The following ERC2 variants were observed in gnomAD, a reference collection of about 807,000 sequenced individuals.
ERC2 encodes the protein ELKS/RAB6-interacting/CAST family member 2.
A neutral mutation model predicts 114.8 loss-of-function variants in ERC2; 42 were observed. The ratio of observed to expected loss-of-function variants is 0.37; its 90% CI spans 0.29 to 0.47. The LOEUF (loss-of-function observed/expected upper bound fraction) is 0.47, where lower values mean the gene tolerates loss of function less well. Ranked by LOEUF, ERC2 falls within the 20% of genes least tolerant of loss-of-function variation. The pLI is 0.99. For missense variants in ERC2, 939 were observed against 1,150.7 expected, an observed-to-expected ratio of 0.82 and a Z score of 2.66; for synonymous variants, 454 against 425.5, an observed-to-expected ratio of 1.07 and a Z score of -0.82.
chr3:55,768,815 T>A (rs1361051432), intron 14 of ERC2, among the ~76,000 whole-genome samples: 2 of 152,204 alleles, frequency 1.3e-5, no homozygotes, highest in African/African-American at 4.8e-5. Flanking sequence ...TTACACACCC[T>A]AGTTGGGGGT....
At chr3:56,138,352 G>A (rs1368342007) in intron 6 of ERC2, among the ~76,000 whole-genome samples, 5 of 152,218 alleles carry the variant, frequency 3.3e-5, no homozygotes, top group South Asian at 4.1e-4. Context: ...GAGCCACCGC[G>A]CCCAGCCTGA....
rs140091076 is a variant in ERC2, at chr3:55,988,457, G to A, written c.2256-2469C>T. 1.3e-3 allele frequency among the ~76,000 whole-genome samples: 196 copies of A among 152,286 alleles called. 2 individuals carry two copies. The highest frequency in any genetic ancestry group is 3.4e-3 in the Middle Eastern group (1 of 294). On this transcript the variant is annotated intron_variant, in intron 11 of 17. Transcript: ENST00000288221. ...TTTAATGGCTGATGAGAAACACCAC[G>A]CACATGGAATTTAAGAGGTAAATGC... is the stretch of plus-strand genomic sequence containing the variant.
chr3:56,372,350 A>C (rs1262162558), intron 2 of ERC2, among the ~76,000 whole-genome samples: 1 of 152,182 alleles, frequency 6.6e-6, no homozygotes, highest in Non-Finnish European at 1.5e-5. Flanking sequence ...CATTTTTTTA[A>C]TCACTTAATC....
At chr3:55,978,795 T>G (rs1308135856) in intron 12 of ERC2, among the ~76,000 whole-genome samples, 1 of 152,214 alleles carries the variant, frequency 6.6e-6, no homozygotes, top group African/African-American at 2.4e-5. Context: ...TTTTCTACAC[T>G]GAATGTTCTA....
At chr3:56,078,922 T>A (rs2077100158) in intron 7 of ERC2, among the ~76,000 whole-genome samples, 1 of 150,786 alleles carries the variant, frequency 6.6e-6, no homozygotes, top group Non-Finnish European at 1.5e-5. Context: ...TGGTTAAAAG[T>A]TCTAATTAAA....
chr3:55,857,381 C>T (rs954324206), intron 14 of ERC2, among the ~76,000 whole-genome samples: 1 of 151,984 alleles, frequency 6.6e-6, no homozygotes, highest in Non-Finnish European at 1.5e-5. Flanking sequence ...TCTCCCTCTC[C>T]CTCTCCCTGT....
intron 12 of ERC2, among the ~76,000 whole-genome samples, chr3:55,984,434 T>A (rs1341765210): frequency 6.6e-6 from 1 of 152,040 alleles, no homozygotes; most frequent in East Asian, 1.9e-4. Flanking sequence ...AGTGCTTCAA[T>A]ATTAAGAGGT....
At chr3:56,338,923 G>C (rs918545655) in intron 2 of ERC2, among the ~76,000 whole-genome samples, 3 of 152,208 alleles carry the variant, frequency 2.0e-5, no homozygotes, top group Non-Finnish European at 4.4e-5. Flanking sequence ...GAGGGCAAAA[G>C]GGCTGAGAGT....
At position 56,202,072 on chromosome 3, in the gene ERC2, G is replaced by C. The variant is rs868348309; in HGVS notation, c.1075-28552C>G. Among the ~76,000 whole-genome samples the C allele has an allele frequency of 1.7e-4, 26 of 152,296 alleles. No homozygotes were observed. In the Middle Eastern group the frequency reaches 0.014, roughly 80 times the overall value. Reference sequence around the variant, plus strand: ...CATCTTTGTATTCCACCATTAGGCAGAATACCGCAGGCCATCTGAGCACAG... The same window carrying C: ...CATCTTTGTATTCCACCATTAGGCACAATACCGCAGGCCATCTGAGCACAG... On this transcript the variant is annotated intron_variant, in intron 3 of 17. Transcript: ENST00000288221.
At chr3:56,133,202 C>A (rs1430079792) in intron 6 of ERC2, among the ~76,000 whole-genome samples, 1 of 152,176 alleles carries the variant, frequency 6.6e-6, no homozygotes, top group Non-Finnish European at 1.5e-5. Context: ...TTTTGGGAAG[C>A]TGAGGCGGGC....
chr3:55,521,095 G>A (rs924478204), intron 17 of ERC2, among the ~76,000 whole-genome samples: 1 of 152,214 alleles, frequency 6.6e-6, no homozygotes, highest in Non-Finnish European at 1.5e-5. Flanking sequence ...GGATTTGAAG[G>A]CGCCCTTCCC....
chr3:56,048,407 G>A (rs758565076), intron 7 of ERC2, among the ~76,000 whole-genome samples: 2 of 152,084 alleles, frequency 1.3e-5, no homozygotes, highest in Non-Finnish European at 2.9e-5. Flanking sequence ...TAAACACAGT[G>A]CTTGCTTTGT....
At chr3:56,311,251 CTCTCTATATATATATATATATATATATA>C (rs2056545105) in intron 2 of ERC2, among the ~76,000 whole-genome samples, 1 of 42,778 alleles carries the variant, frequency 2.3e-5, no homozygotes, top group African/African-American at 7.4e-5. Flanking sequence ...CTCTCTCTCT[CTCTCTATATATATATATATATATATATA>C]TATATATATA....
chr3:55,796,586 C>G (rs571303416), intron 14 of ERC2, among the ~76,000 whole-genome samples: 1 of 152,118 alleles, frequency 6.6e-6, no homozygotes, highest in Non-Finnish European at 1.5e-5. Context: ...TCACTACGCC[C>G]AGCTAACTTT....
In ERC2 at chr3:56,087,321, C is replaced by T. The variant is rs370275512; in HGVS notation, c.1474-6337G>A. Among the ~76,000 whole-genome samples the T allele has an allele frequency of 3.6e-3, 554 of 151,988 alleles. 2 individuals carry two copies. Among genetic ancestry groups the T allele is most frequent in the Non-Finnish European group, 5.1e-3 (346 of 67,970 alleles). ...CAGGTAATAACTTGAAAGAAAAGAA[C>T]CATGGCAATGAAATTGGCAAAACGT... On this transcript the variant is annotated intron_variant, in intron 6 of 17. Coordinates refer to ENST00000288221, the MANE Select transcript of ERC2 (RefSeq NM_015576.3).
At chr3:56,443,668 T>TG (rs2062424525) in intron 1 of ERC2, among the ~76,000 whole-genome samples, 1 of 152,172 alleles carries the variant, frequency 6.6e-6, no homozygotes, top group African/African-American at 2.4e-5. Flanking sequence ...GCTTTTTTTT[T>TG]TTGGTTGTTG....
At chr3:55,921,587 T>C (rs1279244399) in intron 13 of ERC2, among the ~76,000 whole-genome samples, 1 of 152,134 alleles carries the variant, frequency 6.6e-6, no homozygotes, top group Non-Finnish European at 1.5e-5. Context: ...TACAATGCAA[T>C]GGCTTCTAAG....
intron 3 of ERC2, among the ~76,000 whole-genome samples, chr3:56,236,982 T>A (rs971072199): frequency 6.6e-6 from 1 of 152,170 alleles, no homozygotes; most frequent in African/African-American, 2.4e-5. Context: ...CCATCTCTCA[T>A]ACAGTTCCTC....
At chr3:56,259,647 T>A (rs9842284) in intron 3 of ERC2, among the ~76,000 whole-genome samples, 7,593 of 144,226 alleles carry the variant, frequency 0.053, 779 homozygotes, top group East Asian at 0.36. Context: ...TGGTACAGAT[T>A]TGATATGATA....
Sources: gnomAD v4.1 joint callset for allele counts (sites outside exome capture counted in the v4.1 genomes callset) on GRCh38, gnomAD v4.1.1 for gene constraint, MANE v1.5 for transcripts, NCBI Gene and HGNC (gene_info 2026-07-23, HGNC 2026-07-21) for gene names.